Variants in MAP2K1 observed in about 807,000 individuals in gnomAD.
MAP2K1 encodes the protein dual specificity mitogen-activated protein kinase kinase 1.
In MAP2K1, 16 loss-of-function variants were observed where a neutral mutation model predicts 46.3. The observed-to-expected ratio is 0.35, with a 90% CI of 0.23 to 0.52. The LOEUF (loss-of-function observed/expected upper bound fraction) is 0.52, where lower values mean the gene tolerates loss of function less well. Among genes scored for constraint, MAP2K1 ranks in the 20% least tolerant of loss-of-function variants. The pLI is 0.94. For missense variants in MAP2K1, 263 were observed against 497.1 expected (o/e 0.53, Z 4.48); for synonymous variants, 183 against 185.6 (o/e 0.99, Z 0.11).
intron 5 of MAP2K1, among the ~76,000 whole-genome samples, chr15:66,480,710 A>G (rs893389277): frequency 2.0e-5 from 3 of 152,102 alleles, no homozygotes; most frequent in Non-Finnish European, 2.9e-5. Flanking sequence ...TATGGTGTCT[A>G]TATTATGACT....
chr15:66,482,184 T>TA (rs1389974922), intron 6 of MAP2K1, among the ~76,000 whole-genome samples: 2 of 152,164 alleles, frequency 1.3e-5, no homozygotes, highest in Non-Finnish European at 2.9e-5. Flanking sequence ...CTCTACATGA[T>TA]AGTCTTCAGA....
At chr15:66,399,371 C>T (rs145160542) in intron 1 of MAP2K1, among the ~76,000 whole-genome samples, 34 of 152,328 alleles carry the variant, frequency 2.2e-4, no homozygotes, top group African/African-American at 7.7e-4. Context: ...TTTGCTCTTT[C>T]CCATCCCTAG....
rs1567009802 is a variant in MAP2K1 at position 66,436,896 on chromosome 15, T to A, written c.438+4T>A. The A allele has an allele frequency of 1.2e-6, 2 of 1,614,106 alleles. No individual in the cohort carries two copies. The highest frequency in any genetic ancestry group is 2.2e-5 in the South Asian group (2 of 91,088). The stretch of plus-strand genomic sequence containing the variant: ...CAGTATCTGCATGGAGCACATGGTA[T>A]GTGACACCCTCTCAGCCTCTGGAGC... On this transcript the variant is annotated splice_donor_region_variant and intron_variant, in intron 3 of 10. Coordinates refer to ENST00000307102, the MANE Select transcript of MAP2K1 (RefSeq NM_002755.4).
At chr15:66,401,022 T>TGC (rs2093380423) in intron 1 of MAP2K1, among the ~76,000 whole-genome samples, 1 of 152,214 alleles carries the variant, frequency 6.6e-6, no homozygotes, top group Non-Finnish European at 1.5e-5. Flanking sequence ...CCATTGTATA[T>TGC]GTTTTTGGAT....
chr15:66,426,499 G>A (rs1356072222), intron 1 of MAP2K1, among the ~76,000 whole-genome samples: 2 of 152,148 alleles, frequency 1.3e-5, no homozygotes, highest in Non-Finnish European at 2.9e-5. Context: ...TAGTTCTTCA[G>A]TAGAGTAGGC....
intron 1 of MAP2K1, among the ~76,000 whole-genome samples, chr15:66,420,791 GTGTA>G (rs1164252944): frequency 1.7e-5 from 1 of 58,888 alleles, no homozygotes; most frequent in Non-Finnish European, 3.9e-5. Flanking sequence ...ATATATATGT[GTGTA>G]TATATATGTG....
Position 66,490,965 on chromosome 15 carries a change from G to A in MAP2K1, c.*350G>A, listed in dbSNP as rs929950049. ...CTGCTCCATGACTGGCTGTCTGCCTGTATTTTCGGGATTCTTTGACATTTG... is the reference window on the plus strand; with the variant it reads ...CTGCTCCATGACTGGCTGTCTGCCTATATTTTCGGGATTCTTTGACATTTG... On this transcript the variant is annotated 3_prime_UTR_variant, in exon 11 of 11. Transcript: ENST00000307102. 9.2e-6 allele frequency: 4 copies of A among 437,012 alleles called. No individual in the cohort carries two copies. The highest frequency in any genetic ancestry group is 3.9e-5 in the African/African-American group (2 of 50,834). The allele number at this position is 437,012 out of a possible 1,614,324, so 27.1% of individuals were successfully genotyped here.
At chr15:66,448,092 G>A (rs1322414678) in intron 5 of MAP2K1, among the ~76,000 whole-genome samples, 1 of 146,576 alleles carries the variant, frequency 6.8e-6, no homozygotes, top group Non-Finnish European at 1.5e-5. Context: ...GACGGAGGTT[G>A]CAGTGAGCTG....
intron 9 of MAP2K1, 119 bp from the exon 10 acceptor site, chr15:66,489,599 G>A (rs901782420): frequency 2.4e-6 from 2 of 832,282 alleles, no homozygotes; most frequent in Non-Finnish European, 4.3e-6. Flanking sequence ...ACAGGAGGAT[G>A]AATCAAGCCC....
In MAP2K1 at chr15:66,481,834, C is replaced by T. The variant is rs148968935; in HGVS notation, c.648C>T (p.Ile216=). The T allele has an allele frequency of 2.1e-4, 335 of 1,614,020 alleles. No individual in the cohort carries two copies. The African/African-American group carries it at 4.1e-3, about 20-fold the overall frequency. Residue 216 remains isoleucine (I), a synonymous_variant, in exon 6 of 11, where the codon ATC becomes ATT. Transcript: ENST00000307102. The part of the protein sequence containing the change: ...LCDFGVSGQL[I]DSMANSFVGT... Reference sequence around the variant, plus strand: ...ACTTTGGGGTCAGCGGGCAGCTCATCGACTCCATGGCCAACTCCTTCGTGG... The same window carrying T: ...ACTTTGGGGTCAGCGGGCAGCTCATTGACTCCATGGCCAACTCCTTCGTGG...
At chr15:66,489,886 G>T in intron 10 of MAP2K1, 123 bp downstream of exon 10, 1 of 871,998 alleles carries the variant, frequency 1.1e-6, no homozygotes. Context: ...AGCTGAGCCT[G>T]GGGCTGCAGA....
intron 5 of MAP2K1, among the ~76,000 whole-genome samples, chr15:66,445,576 T>C (rs1338378065): frequency 6.6e-6 from 1 of 152,216 alleles, no homozygotes; most frequent in Non-Finnish European, 1.5e-5. Flanking sequence ...ACAACTGAAA[T>C]GTCCTTCAAC....
At chr15:66,453,938 A>G (rs1174692740) in intron 5 of MAP2K1, among the ~76,000 whole-genome samples, 1 of 152,218 alleles carries the variant, frequency 6.6e-6, no homozygotes, top group Non-Finnish European at 1.5e-5. Flanking sequence ...TGCTGAGACT[A>G]CAGGCATGAG....
intron 1 of MAP2K1, among the ~76,000 whole-genome samples, chr15:66,417,975 C>T (rs1279013963): frequency 1.3e-5 from 2 of 152,042 alleles, no homozygotes; most frequent in Non-Finnish European, 2.9e-5. Context: ...TGGAGGGTGT[C>T]CAGGTTCTTG....
chr15:66,475,625 G>C (rs1892738648), intron 5 of MAP2K1, among the ~76,000 whole-genome samples: 1 of 152,168 alleles, frequency 6.6e-6, no homozygotes, highest in South Asian at 2.1e-4. Flanking sequence ...GGATATAGTG[G>C]AAACACATAG....
At chr15:66,400,398 C>T (rs574026732) in intron 1 of MAP2K1, among the ~76,000 whole-genome samples, 27 of 152,118 alleles carry the variant, frequency 1.8e-4, no homozygotes, top group Admixed American at 3.9e-4. Flanking sequence ...TCCACCACAT[C>T]CCCCTGAAGT....
chr15:66,420,277 T>C (rs1387616600), intron 1 of MAP2K1, among the ~76,000 whole-genome samples: 1 of 148,042 alleles, frequency 6.8e-6, no homozygotes, highest in African/African-American at 2.5e-5. Context: ...AATGAATGAA[T>C]GCCTTTCAGC....
chr15:66,395,061 G>A (rs1215685439), intron 1 of MAP2K1, among the ~76,000 whole-genome samples: 1 of 152,140 alleles, frequency 6.6e-6, no homozygotes, highest in African/African-American at 2.4e-5. Context: ...TCAAAGAAAG[G>A]AAGAAGATAC....
chr15:66,400,360 T>G (rs1280547973), intron 1 of MAP2K1, among the ~76,000 whole-genome samples: 1 of 152,164 alleles, frequency 6.6e-6, no homozygotes, highest in Non-Finnish European at 1.5e-5. Flanking sequence ...CTTTGGAACT[T>G]TTTGCTAGCA....
Sources: gnomAD v4.1 joint callset for allele counts (sites outside exome capture counted in the v4.1 genomes callset) on GRCh38, gnomAD v4.1.1 for gene constraint, MANE v1.5 for transcripts, NCBI Gene and HGNC (gene_info 2026-07-23, HGNC 2026-07-21) for gene names.